CSMD1: variants seen among roughly 807,000 people sequenced by gnomAD.
CSMD1 encodes CUB and sushi domain-containing protein 1.
Under a neutral mutation model 417.5 loss-of-function variants are expected in CSMD1, and 213 were observed. The observed-to-expected ratio is 0.51, with a 90% CI of 0.46 to 0.57. The LOEUF (loss-of-function observed/expected upper bound fraction) is 0.57, where lower values mean the gene tolerates loss of function less well. Among genes scored for constraint, CSMD1 ranks in the 20% least tolerant of loss-of-function variants. CSMD1 has a pLI of 0.00. For missense variants in CSMD1, 6,923 were observed against 4,529.7 expected (o/e 1.53, Z -15.17); for synonymous variants, 2,862 against 1,736.8 (o/e 1.65, Z -16.11).
intron 8 of CSMD1, among the ~76,000 whole-genome samples, chr8:3,606,636 C>T (rs879898626): frequency 2.0e-5 from 3 of 151,876 alleles, no homozygotes; most frequent in Non-Finnish European, 4.4e-5. Flanking sequence ...CCTTGGGCCA[C>T]TATAAATTTA....
At chr8:4,782,249 G>T (rs1009227720) in intron 1 of CSMD1, among the ~76,000 whole-genome samples, 3 of 152,070 alleles carry the variant, frequency 2.0e-5, no homozygotes, top group African/African-American at 7.2e-5. Flanking sequence ...AGAAAAGAGG[G>T]TTTTCAATAT....
intron 5 of CSMD1, among the ~76,000 whole-genome samples, chr8:3,917,571 T>A (rs1487883338): frequency 6.6e-6 from 1 of 151,432 alleles, no homozygotes; most frequent in East Asian, 1.9e-4. Flanking sequence ...TGCAAAATAT[T>A]TGCAACTAGT....
chr8:3,562,391 CACACATGCAT>C (rs1211302881), intron 10 of CSMD1, among the ~76,000 whole-genome samples: 1 of 149,974 alleles, frequency 6.7e-6, no homozygotes, highest in African/African-American at 2.5e-5. Context: ...CACACACGTA[CACACATGCAT>C]ACACACACAT....
intron 2 of CSMD1, among the ~76,000 whole-genome samples, chr8:4,518,178 C>G (rs912381197): frequency 6.6e-6 from 1 of 152,080 alleles, no homozygotes; most frequent in Non-Finnish European, 1.5e-5. Context: ...GAGTATGGCA[C>G]GAATGATATT....
chr8:4,462,032 G>A (rs918017707), intron 2 of CSMD1, among the ~76,000 whole-genome samples: 2 of 151,742 alleles, frequency 1.3e-5, no homozygotes, highest in African/African-American at 2.4e-5. Context: ...GAGCCACCAC[G>A]TCTGGCTGCT....
chr8:3,372,971 G>C (rs1585069408), intron 18 of CSMD1, among the ~76,000 whole-genome samples: 2 of 152,140 alleles, frequency 1.3e-5, no homozygotes, highest in East Asian at 1.9e-4. Flanking sequence ...CTTTTCACTG[G>C]TCTATGATTG....
intron 10 of CSMD1, among the ~76,000 whole-genome samples, chr8:3,513,111 T>G (rs1307328520): frequency 1.4e-5 from 2 of 146,626 alleles, no homozygotes; most frequent in East Asian, 4.1e-4. Flanking sequence ...GGTGAATGCA[T>G]TGAATTATTA....
chr8:4,386,871 A>G (rs950641856), intron 3 of CSMD1, among the ~76,000 whole-genome samples: 4 of 152,246 alleles, frequency 2.6e-5, no homozygotes, highest in Admixed American at 6.5e-5. Flanking sequence ...TCCCTCGTGG[A>G]TGACTGAAAA....
At chr8:4,855,426 C>T (rs928232959) in intron 1 of CSMD1, among the ~76,000 whole-genome samples, 30 of 152,242 alleles carry the variant, frequency 2.0e-4, no homozygotes, top group Admixed American at 3.9e-4. Flanking sequence ...ATGACTTTGA[C>T]GAGCTGAGAG....
At chr8:4,412,879 G>C (rs947476550) in intron 3 of CSMD1, among the ~76,000 whole-genome samples, 2 of 152,084 alleles carry the variant, frequency 1.3e-5, no homozygotes, top group East Asian at 1.9e-4. Context: ...TTCAGAACAA[G>C]AAAAAGAAAG....
At chr8:4,864,545 A>C (rs1486936056) in intron 1 of CSMD1, among the ~76,000 whole-genome samples, 1 of 151,690 alleles carries the variant, frequency 6.6e-6, no homozygotes, top group Non-Finnish European at 1.5e-5. Context: ...GGGCAGAGTG[A>C]TCATCATAAT....
At chr8:4,441,955 C>T (rs1049470449) in intron 2 of CSMD1, among the ~76,000 whole-genome samples, 2 of 152,132 alleles carry the variant, frequency 1.3e-5, no homozygotes, top group Admixed American at 6.6e-5. Flanking sequence ...CTGAGAAACT[C>T]AGGGGCCAAA....
intron 1 of CSMD1, among the ~76,000 whole-genome samples, chr8:4,903,309 T>G (rs947426611): frequency 6.6e-6 from 1 of 152,200 alleles, no homozygotes; most frequent in African/African-American, 2.4e-5. Context: ...CATTTAGCAA[T>G]TGCTTTATGG....
intron 3 of CSMD1, among the ~76,000 whole-genome samples, chr8:4,315,433 T>C (rs544644438): frequency 6.6e-6 from 1 of 152,134 alleles, no homozygotes; most frequent in South Asian, 2.1e-4. Flanking sequence ...CAAATATTTG[T>C]AAAATAAATC....
intron 5 of CSMD1, among the ~76,000 whole-genome samples, chr8:3,868,551 C>T (rs1228340135): frequency 6.6e-6 from 1 of 152,160 alleles, no homozygotes; most frequent in African/African-American, 2.4e-5. Flanking sequence ...AGCCTGAACC[C>T]TGTTCTGAAA....
chr8:4,212,202 C>A (rs986147576), intron 3 of CSMD1, among the ~76,000 whole-genome samples: 1 of 148,422 alleles, frequency 6.7e-6, no homozygotes, highest in Non-Finnish European at 1.5e-5. Flanking sequence ...ATATTATTTT[C>A]TCTCCATGTT....
At chr8:3,015,448 T>C (rs750099193) in intron 52 of CSMD1, among the ~76,000 whole-genome samples, 1 of 152,092 alleles carries the variant, frequency 6.6e-6, no homozygotes, top group Non-Finnish European at 1.5e-5. Flanking sequence ...GGGGTCATCA[T>C]TTTTAGAGTT....
intron 2 of CSMD1, among the ~76,000 whole-genome samples, chr8:4,611,828 A>C (rs1333418421): frequency 6.6e-6 from 1 of 152,174 alleles, no homozygotes; most frequent in East Asian, 1.9e-4. Flanking sequence ...CCTCAGCTTA[A>C]AATGGTAATT....
intron 3 of CSMD1, among the ~76,000 whole-genome samples, chr8:4,126,970 G>A (rs1004870374): frequency 6.6e-6 from 1 of 152,076 alleles, no homozygotes; most frequent in East Asian, 1.9e-4. Context: ...ACACTGTCAA[G>A]CTGATGCTGG....
Sources: gnomAD v4.1 joint callset for allele counts (sites outside exome capture counted in the v4.1 genomes callset) on GRCh38, gnomAD v4.1.1 for gene constraint, MANE v1.5 for transcripts, NCBI Gene and HGNC (gene_info 2026-07-23, HGNC 2026-07-21) for gene names.